Variants in SPOCK1 observed in about 807,000 individuals in gnomAD.
The protein encoded by SPOCK1 is SPARC (osteonectin), cwcv and kazal like domains proteoglycan 1, also known as testican-1.
A neutral mutation model predicts 55.3 loss-of-function variants in SPOCK1; 23 were observed. The observed-to-expected ratio is 0.42, with a 90% confidence interval of 0.30 to 0.59. SPOCK1 has a LOEUF of 0.59. SPOCK1 is among the 20% of genes least tolerant of loss of function. SPOCK1 has a pLI of 0.22. For synonymous variants in SPOCK1, 226 were observed against 221.0 expected (o/e 1.02, Z -0.20); for missense variants, 499 against 552.5 (o/e 0.90, Z 0.97).
chr5:137,085,262 C>T (rs1038201711), intron 5 of SPOCK1, among the ~76,000 whole-genome samples: 6 of 152,044 alleles, frequency 3.9e-5, no homozygotes, highest in African/African-American at 9.7e-5. Context: ...ATGAAGCAGG[C>T]GTGAGGGTAG....
Position 137,003,398 on chromosome 5 carries a change from C to T in SPOCK1, c.590-10798G>A, listed in dbSNP as rs551032285. On this transcript the variant is annotated intron_variant, in intron 6 of 10. Coordinates refer to ENST00000394945, the MANE Select transcript of SPOCK1 (RefSeq NM_004598.4). ...TGGGTGACAGAATGAGACTCTGTCT[C>T]ATAAATAAATAAATCATAAGTTGTA... Among the ~76,000 whole-genome samples the T allele has an allele frequency of 9.9e-5, 15 of 152,240 alleles. No individual in the cohort carries two copies. In the East Asian group the frequency reaches 2.7e-3, roughly 27 times the overall value.
chr5:137,251,562 G>A (rs1042194215), intron 3 of SPOCK1, among the ~76,000 whole-genome samples: 3 of 152,170 alleles, frequency 2.0e-5, no homozygotes, highest in African/African-American at 7.2e-5. Flanking sequence ...CGATTTGACA[G>A]AGCAGCCTCC....
At chr5:137,405,077 A>G (rs1288214943) in intron 2 of SPOCK1, among the ~76,000 whole-genome samples, 1 of 152,238 alleles carries the variant, frequency 6.6e-6, no homozygotes, top group African/African-American at 2.4e-5. Flanking sequence ...AGATGCACGA[A>G]GTCTTTGGTC....
At chr5:137,118,793 G>A (rs1034072245) in intron 4 of SPOCK1, among the ~76,000 whole-genome samples, 1 of 152,170 alleles carries the variant, frequency 6.6e-6, no homozygotes, top group Non-Finnish European at 1.5e-5. Context: ...ATTTTACTCA[G>A]TACACTCTGC....
At chr5:137,297,425 A>AC (rs1350505669) in intron 2 of SPOCK1, among the ~76,000 whole-genome samples, 1 of 152,248 alleles carries the variant, frequency 6.6e-6, no homozygotes, top group African/African-American at 2.4e-5. Flanking sequence ...CACAACAAAA[A>AC]CACAGTGGAA....
intron 2 of SPOCK1, among the ~76,000 whole-genome samples, chr5:137,310,931 T>C (rs1161146837): frequency 6.6e-6 from 1 of 152,138 alleles, no homozygotes; most frequent in Non-Finnish European, 1.5e-5. Context: ...TTGACCCTCA[T>C]GACAAAGGAA....
intron 2 of SPOCK1, among the ~76,000 whole-genome samples, chr5:137,270,187 G>A (rs1275035837): frequency 6.6e-6 from 1 of 152,142 alleles, no homozygotes; most frequent in African/African-American, 2.4e-5. Flanking sequence ...TTCAAACTGT[G>A]GTGAAAGACA....
intron 2 of SPOCK1, among the ~76,000 whole-genome samples, chr5:137,425,044 T>A (rs1031184331): frequency 6.6e-6 from 1 of 152,214 alleles, no homozygotes; most frequent in African/African-American, 2.4e-5. Context: ...TTCTAGAACT[T>A]TACCAAAGGG....
At chr5:137,296,554 G>C (rs1005509226) in intron 2 of SPOCK1, among the ~76,000 whole-genome samples, 6 of 152,176 alleles carry the variant, frequency 3.9e-5, no homozygotes, top group Non-Finnish European at 5.9e-5. Context: ...GAACATTACT[G>C]TTGGACAAGT....
intron 2 of SPOCK1, among the ~76,000 whole-genome samples, chr5:137,268,814 A>G (rs1756908022): frequency 6.6e-6 from 1 of 152,232 alleles, no homozygotes; most frequent in South Asian, 2.1e-4. Context: ...TGGCAATGTG[A>G]AATCTTGTGA....
chr5:137,202,062 A>G (rs1212486035), intron 3 of SPOCK1, among the ~76,000 whole-genome samples: 2 of 152,220 alleles, frequency 1.3e-5, no homozygotes, highest in African/African-American at 4.8e-5. Context: ...CCTGCTAAGG[A>G]ACAATACGTG....
chr5:137,120,867 A>G (rs1403885414), intron 4 of SPOCK1, among the ~76,000 whole-genome samples: 1 of 152,228 alleles, frequency 6.6e-6, no homozygotes, highest in Non-Finnish European at 1.5e-5. Flanking sequence ...AAGTTGTCAC[A>G]GTCAGAGAAA....
intron 3 of SPOCK1, among the ~76,000 whole-genome samples, chr5:137,246,229 A>G (rs765774157): frequency 7.9e-5 from 12 of 152,206 alleles, no homozygotes; most frequent in Non-Finnish European, 5.9e-5. Flanking sequence ...CCTTAGCAAC[A>G]TTTTTAATTA....
At chr5:136,996,597 G>C (rs192929801) in intron 6 of SPOCK1, among the ~76,000 whole-genome samples, 1 of 152,090 alleles carries the variant, frequency 6.6e-6, no homozygotes, top group Non-Finnish European at 1.5e-5. Flanking sequence ...CTACTGAGAG[G>C]TGAAGCCAGC....
At chr5:137,316,722 C>T (rs1027795184) in intron 2 of SPOCK1, among the ~76,000 whole-genome samples, 12 of 152,198 alleles carry the variant, frequency 7.9e-5, no homozygotes, top group African/African-American at 1.7e-4. Context: ...AGCTCCTCTG[C>T]CCTCTGAATA....
chr5:137,103,562 G>T (rs1753310730), intron 5 of SPOCK1, among the ~76,000 whole-genome samples: 1 of 152,172 alleles, frequency 6.6e-6, no homozygotes, highest in African/African-American at 2.4e-5. Context: ...AAAGGATCCT[G>T]GTCATTGCCA....
At chr5:137,134,012 C>T (rs1237403193) in intron 4 of SPOCK1, among the ~76,000 whole-genome samples, 2 of 152,032 alleles carry the variant, frequency 1.3e-5, no homozygotes, top group African/African-American at 4.8e-5. Context: ...ACATCAGGCC[C>T]CTGGGAGCTT....
chr5:137,364,212 C>T (rs576020530), intron 2 of SPOCK1, among the ~76,000 whole-genome samples: 1 of 152,284 alleles, frequency 6.6e-6, no homozygotes, highest in South Asian at 2.1e-4. Context: ...GGTTAAATAC[C>T]GAGATTTGCA....
At chr5:137,463,351 T>C (rs1167447763) in intron 2 of SPOCK1, among the ~76,000 whole-genome samples, 1 of 152,200 alleles carries the variant, frequency 6.6e-6, no homozygotes, top group East Asian at 1.9e-4. Flanking sequence ...GATTCTGTCA[T>C]TTGCAACAAC....
Sources: allele counts gnomAD v4.1 joint callset (sites outside exome capture counted in the v4.1 genomes callset), GRCh38; gene constraint gnomAD v4.1.1; transcripts MANE v1.5; gene names NCBI Gene and HGNC (gene_info 2026-07-23, HGNC 2026-07-21).